Variants in BMPR1B observed in about 807,000 individuals in gnomAD.
BMPR1B encodes bone morphogenetic protein receptor type-1B.
BMPR1B carries 12 observed loss-of-function variants against 59.1 expected under a neutral mutation model. That is an observed-to-expected ratio of 0.20 (90% CI 0.13 to 0.33). The LOEUF is 0.33. Among genes scored for constraint, BMPR1B ranks in the 10% least tolerant of loss-of-function variants. The probability of loss-of-function intolerance (pLI) is 1.00; values close to 1 mark genes in which losing one functional copy is unlikely to be tolerated. For synonymous variants in BMPR1B, 237 were observed against 207.3 expected (o/e 1.14, Z -1.23); for missense variants, 550 against 610.9 (o/e 0.90, Z 1.05).
rs1380149990 is a variant in BMPR1B at position 95,118,424 on chromosome 4, A to G, written c.349+2637A>G. On this transcript the variant is annotated intron_variant, in intron 6 of 12. Coordinates refer to ENST00000515059, the MANE Select transcript of BMPR1B (RefSeq NM_001203.3). ...TTTTTTTCTTCTATTTCTTATTGCA[A>G]TTGTGAACCATCTTCTAGTCTTATA... 3.3e-5 allele frequency among the ~76,000 whole-genome samples: 5 copies of G among 152,142 alleles called. No homozygotes were observed. In the East Asian group the frequency reaches 7.7e-4, roughly 24 times the overall value.
chr4:95,041,408 G>T (rs1390323513), intron 3 of BMPR1B, among the ~76,000 whole-genome samples: 1 of 152,042 alleles, frequency 6.6e-6, no homozygotes, highest in Non-Finnish European at 1.5e-5. Context: ...CACCCGCCAT[G>T]GGTTGGAAAC....
At chr4:94,943,956 T>C (rs1049888874) in intron 2 of BMPR1B, among the ~76,000 whole-genome samples, 3 of 152,208 alleles carry the variant, frequency 2.0e-5, no homozygotes, top group African/African-American at 7.2e-5. Flanking sequence ...AAATCCAAAA[T>C]GCTCCAAAAC....
intron 2 of BMPR1B, among the ~76,000 whole-genome samples, chr4:94,968,659 T>C (rs13118309): frequency 0.52 from 79,331 of 151,900 alleles, 21,314 homozygotes; most frequent in African/African-American, 0.61. Context: ...ACAGCCTCTG[T>C]GCCTCCGATG....
At chr4:94,857,539 A>T (rs1340498811) in intron 1 of BMPR1B, among the ~76,000 whole-genome samples, 3 of 152,214 alleles carry the variant, frequency 2.0e-5, no homozygotes, top group Admixed American at 2.0e-4. Flanking sequence ...AATTTTATGT[A>T]AGAATATCCT....
At chr4:94,931,612 GTTTTC>G (rs1015639087) in intron 2 of BMPR1B, among the ~76,000 whole-genome samples, 5 of 151,944 alleles carry the variant, frequency 3.3e-5, no homozygotes, top group African/African-American at 1.2e-4. Context: ...GTTTTGTTTT[GTTTTC>G]TTTTCCTTTT....
At chr4:95,117,135 G>A (rs1225043690) in intron 6 of BMPR1B, among the ~76,000 whole-genome samples, 3 of 152,112 alleles carry the variant, frequency 2.0e-5, no homozygotes, top group Non-Finnish European at 4.4e-5. Flanking sequence ...AAGACTTTAA[G>A]GATGAAGAGG....
intron 2 of BMPR1B, among the ~76,000 whole-genome samples, chr4:94,935,004 G>T (rs1240429550): frequency 6.6e-6 from 1 of 151,804 alleles, no homozygotes; most frequent in East Asian, 1.9e-4. Context: ...ACTACACTAA[G>T]TCATAGAAAA....
chr4:95,116,735 C>G (rs772404512), intron 6 of BMPR1B, among the ~76,000 whole-genome samples: 1 of 151,812 alleles, frequency 6.6e-6, no homozygotes, highest in African/African-American at 2.4e-5. Flanking sequence ...CCACCTCAGC[C>G]TCCCCAGTAG....
intron 2 of BMPR1B, among the ~76,000 whole-genome samples, chr4:94,949,305 A>ATTTTTTT (rs1729837408): frequency 6.0e-5 from 5 of 83,304 alleles, no homozygotes; most frequent in African/African-American, 2.3e-4. Context: ...ACATGAACTC[A>ATTTTTTT]TTCTTTTTTT....
intron 3 of BMPR1B, among the ~76,000 whole-genome samples, chr4:95,059,780 G>A (rs971657239): frequency 2.6e-5 from 4 of 152,104 alleles, no homozygotes; most frequent in Admixed American, 2.0e-4. Flanking sequence ...TTGAGCTTAA[G>A]CAGCTGGGTT....
In BMPR1B at chr4:94,869,078, A is replaced by G. The variant is rs188026236; in HGVS notation, c.-182-6753A>G. ...AAATTAAACTCCATGATTTGTTTGA[A>G]TTAAATTTTACTATCAAACACACAC... On this transcript the variant is annotated intron_variant, in intron 1 of 12. Coordinates refer to ENST00000515059, the MANE Select transcript of BMPR1B (RefSeq NM_001203.3). Among the ~76,000 whole-genome samples the G allele has an allele frequency of 8.2e-5, 12 of 145,744 alleles. No individual in the cohort carries two copies. In the Admixed American group the frequency reaches 8.7e-4, roughly 11 times the overall value.
Position 95,154,864 on chromosome 4 carries a change from G to A in BMPR1B, c.*191G>A, listed in dbSNP as rs1434442674. 2.7e-6 allele frequency: 2 copies of A among 729,828 alleles called. No individual in the cohort carries two copies. The highest frequency in any genetic ancestry group is 5.3e-5 in the Admixed American group (2 of 38,032). The allele number at this position is 729,828 out of a possible 1,614,324, so 45.2% of individuals were successfully genotyped here. A position where few individuals can be genotyped will look rare whatever the true frequency, so the allele number is the denominator to read the frequency against. ...AGAGAAGCTCCCAGAAGGAGAGATT[G>A]ATCCATGTCTGTTTGTAGGACGGAG... On this transcript the variant is annotated 3_prime_UTR_variant, in exon 13 of 13. Coordinates refer to ENST00000515059, the MANE Select transcript of BMPR1B (RefSeq NM_001203.3).
intron 3 of BMPR1B, among the ~76,000 whole-genome samples, chr4:95,004,655 T>G (rs181136338): frequency 6.2e-4 from 95 of 152,350 alleles, no homozygotes; most frequent in African/African-American, 2.1e-3. Flanking sequence ...GAGCTCTGTC[T>G]TTCTACTTCT....
At chr4:94,818,977 T>A (rs1047179511) in intron 1 of BMPR1B, among the ~76,000 whole-genome samples, 14 of 151,564 alleles carry the variant, frequency 9.2e-5, no homozygotes, top group African/African-American at 3.2e-4. Flanking sequence ...AGAAAAAAAA[T>A]TTTTAAAAAT....
At chr4:94,792,100 T>G (rs1723005980) in intron 1 of BMPR1B, among the ~76,000 whole-genome samples, 1 of 152,146 alleles carries the variant, frequency 6.6e-6, no homozygotes, top group Non-Finnish European at 1.5e-5. Flanking sequence ...TAAGAGAAAT[T>G]TTTCAGATAA....
At chr4:94,864,791 A>T (rs903876633) in intron 1 of BMPR1B, among the ~76,000 whole-genome samples, 1 of 152,182 alleles carries the variant, frequency 6.6e-6, no homozygotes, top group African/African-American at 2.4e-5. Flanking sequence ...AAGTCTGTAC[A>T]TGTTCAGCGC....
chr4:94,990,384 GA>G (rs1422066338), intron 2 of BMPR1B, among the ~76,000 whole-genome samples: 2 of 152,046 alleles, frequency 1.3e-5, no homozygotes, highest in African/African-American at 4.8e-5. Flanking sequence ...AATATAAGTT[GA>G]AGCAAAAACT....
At chr4:94,895,415 C>T (rs1341673541) in intron 2 of BMPR1B, among the ~76,000 whole-genome samples, 1 of 151,498 alleles carries the variant, frequency 6.6e-6, no homozygotes, top group Non-Finnish European at 1.5e-5. Context: ...TTTAACAAAA[C>T]CTTGGAGATT....
intron 3 of BMPR1B, among the ~76,000 whole-genome samples, chr4:95,076,474 G>A (rs1418995555): frequency 6.6e-6 from 1 of 152,118 alleles, no homozygotes; most frequent in Non-Finnish European, 1.5e-5. Context: ...AGTTTTTGAA[G>A]ATTGTAGCTA....
Sources: allele counts gnomAD v4.1 joint callset (sites outside exome capture counted in the v4.1 genomes callset), GRCh38; gene constraint gnomAD v4.1.1; transcripts MANE v1.5; gene names NCBI Gene and HGNC (gene_info 2026-07-23, HGNC 2026-07-21).